The following ANKRD30B variants were observed in gnomAD, a reference collection of about 807,000 sequenced individuals.
ANKRD30B encodes ankyrin repeat domain-containing protein 30B.
In ANKRD30B, 144 loss-of-function variants were observed where a neutral mutation model predicts 202.2. That is an observed-to-expected ratio of 0.71 (90% CI 0.62 to 0.82). The LOEUF is 0.82. Ranked by LOEUF, ANKRD30B falls within the 40% of genes least tolerant of loss-of-function variation. The probability of loss-of-function intolerance (pLI) is 0.00; values close to 1 mark genes in which losing one functional copy is unlikely to be tolerated. For synonymous variants in ANKRD30B, 508 were observed against 561.3 expected, an observed-to-expected ratio of 0.91 and a Z score of 1.34; for missense variants, 1,487 against 1,669.1, an observed-to-expected ratio of 0.89 and a Z score of 1.90.
intron 32 of ANKRD30B, chr18:14,825,157 CCTGTGCAGTT>C (rs2144131006): frequency 6.6e-6 from 1 of 152,336 alleles, no homozygotes; most frequent in South Asian, 2.1e-4. Context: ...TTACTCGCTG[CCTGTGCAGTT>C]CTTTTCACCT....
At chr18:14,917,449 C>G in the ANKRD30B span, among the ~76,000 whole-genome samples, 62,043 of 151,950 alleles carry the variant, frequency 0.41, 14,446 homozygotes, top group East Asian at 0.58. Flanking sequence ...GTCCTCAGTC[C>G]CAGGTTTCAC....
chr18:14,790,982 A>G (rs150252308), intron 15 of ANKRD30B, among the ~76,000 whole-genome samples: 2,202 of 152,208 alleles, frequency 0.014, 59 homozygotes, highest in African/African-American at 0.051. Flanking sequence ...GTTCCTCCTT[A>G]TACCTCTGGA....
chr18:14,757,553 T>G (rs1293650214), intron 4 of ANKRD30B, among the ~76,000 whole-genome samples: 5 of 152,200 alleles, frequency 3.3e-5, no homozygotes. Context: ...CCTTAAATCT[T>G]TGCCTCTTTT....
At chr18:14,884,622 A>T in the ANKRD30B span, among the ~76,000 whole-genome samples, 2 of 152,028 alleles carry the variant, frequency 1.3e-5, no homozygotes. Context: ...ATTCAATGAT[A>T]AGAATTTGGA....
At chr18:14,922,525 G>C in the ANKRD30B span, among the ~76,000 whole-genome samples, 3 of 152,030 alleles carry the variant, frequency 2.0e-5, no homozygotes, top group East Asian at 3.9e-4. Context: ...CGTGGTGGCA[G>C]ATGCCTGTAC....
chr18:14,878,957 A>C, the ANKRD30B span, among the ~76,000 whole-genome samples: 1 of 152,178 alleles, frequency 6.6e-6, no homozygotes, highest in Non-Finnish European at 1.5e-5. Context: ...TCTCCTCTGC[A>C]CAGACTTCGG....
chr18:14,786,619 T>C (rs138455504), intron 14 of ANKRD30B, among the ~76,000 whole-genome samples: 68 of 152,330 alleles, frequency 4.5e-4, no homozygotes, highest in Middle Eastern at 3.4e-3. Context: ...ATCATCTTTT[T>C]TGAAGAGCTG....
intron 24 of ANKRD30B, among the ~76,000 whole-genome samples, chr18:14,808,165 A>G (rs1969641685): frequency 6.6e-6 from 1 of 150,588 alleles, no homozygotes; most frequent in African/African-American, 2.5e-5. Context: ...ATGTCATAGC[A>G]TTCTACCATT....
chr18:14,899,446 A>C, the ANKRD30B span, among the ~76,000 whole-genome samples: 1 of 152,078 alleles, frequency 6.6e-6, no homozygotes, highest in African/African-American at 2.4e-5. Flanking sequence ...TCTATGCTTT[A>C]AAAAAATTAG....
At chr18:14,845,911 G>C (rs1325473249) in intron 39 of ANKRD30B, among the ~76,000 whole-genome samples, 1 of 152,092 alleles carries the variant, frequency 6.6e-6, no homozygotes, top group African/African-American at 2.4e-5. Context: ...TTTATGAAGG[G>C]TTGGCCCTCA....
chr18:14,811,628 T>C (rs1969929354), intron 28 of ANKRD30B, among the ~76,000 whole-genome samples: 1 of 115,862 alleles, frequency 8.6e-6, no homozygotes, highest in Non-Finnish European at 1.8e-5. Context: ...CGTGGTCATA[T>C]TTAATACATA....
intron 32 of ANKRD30B, 149 bp from the exon 33 acceptor site, chr18:14,828,129 T>A (rs926529449): frequency 3.6e-5 from 23 of 637,344 alleles, no homozygotes; most frequent in Admixed American, 2.2e-4. Flanking sequence ...GCTTTCAGAC[T>A]CCTGGACCTC....
intron 28 of ANKRD30B, among the ~76,000 whole-genome samples, chr18:14,810,533 T>A (rs912238393): frequency 6.6e-6 from 1 of 151,240 alleles, no homozygotes; most frequent in Non-Finnish European, 1.5e-5. Context: ...ATCTTTACTT[T>A]GAGGAAAGTT....
chr18:14,922,528 G>A, the ANKRD30B span, among the ~76,000 whole-genome samples: 1 of 151,968 alleles, frequency 6.6e-6, no homozygotes, highest in African/African-American at 2.4e-5. Flanking sequence ...GGTGGCAGAT[G>A]CCTGTACTCC....
chr18:14,899,836 C>T, the ANKRD30B span, among the ~76,000 whole-genome samples: 1 of 152,094 alleles, frequency 6.6e-6, no homozygotes, highest in Non-Finnish European at 1.5e-5. Flanking sequence ...TATACTTTCT[C>T]GTTAACCAAT....
chr18:14,827,354 T>C (rs557464420), intron 32 of ANKRD30B, among the ~76,000 whole-genome samples: 4 of 152,348 alleles, frequency 2.6e-5, no homozygotes, highest in Non-Finnish European at 5.9e-5. Context: ...TTAATATTTT[T>C]GGACTATCAT....
At chr18:14,873,648 C>A in the ANKRD30B span, among the ~76,000 whole-genome samples, 4 of 152,082 alleles carry the variant, frequency 2.6e-5, no homozygotes, top group Non-Finnish European at 5.9e-5. Context: ...TCTCTAAACC[C>A]CCAATTCCCT....
intron 30 of ANKRD30B, among the ~76,000 whole-genome samples, chr18:14,820,046 G>T (rs1970331068): frequency 6.6e-6 from 1 of 152,024 alleles, no homozygotes; most frequent in South Asian, 2.1e-4. Context: ...ATTGAGCAGT[G>T]GTTTGTAGTT....
In ANKRD30B at chr18:14,772,165, C is replaced by T. The variant is rs1422550859; in HGVS notation, c.1266C>T (p.Gly422=). The T allele has an allele frequency of 4.0e-6, 6 of 1,498,426 alleles. No individual in the cohort carries two copies. Among genetic ancestry groups the T allele is most frequent in the Non-Finnish European group, 5.4e-6 (6 of 1,115,870 alleles). The allele number at this position is 1,498,426 out of a possible 1,614,324, so 92.8% of individuals were successfully genotyped here. The change falls in exon 9 of 44, where the codon GGC becomes GGT. Residue 422 remains glycine, a synonymous_variant. Transcript: ENST00000690538. ...SSVEPIFSLF[G]TRTIENSQCT... The stretch of plus-strand genomic sequence containing the variant: ...TCATTTTTCTTTAAAGTCTTTTTGG[C>T]ACACGGACTATTGAAAATTCACAGT...
Sources: gnomAD v4.1 joint callset for allele counts (sites outside exome capture counted in the v4.1 genomes callset) on GRCh38, gnomAD v4.1.1 for gene constraint, MANE v1.5 for transcripts, NCBI Gene and HGNC (gene_info 2026-07-23, HGNC 2026-07-21) for gene names.